Variants in HARBI1 observed in about 807,000 individuals in gnomAD.
The protein encoded by HARBI1 is putative nuclease HARBI1.
HARBI1 carries 15 observed loss-of-function variants against 25.3 expected under a neutral mutation model. The ratio of observed to expected loss-of-function variants is 0.59; its 90% CI spans 0.40 to 0.91. HARBI1 has a LOEUF of 0.91. Ranked by LOEUF, HARBI1 falls within the 40% of genes least tolerant of loss-of-function variation. The pLI is 0.00. For missense variants in HARBI1, 396 were observed against 445.8 expected (o/e 0.89, Z 1.01); for synonymous variants, 168 against 160.5 (o/e 1.05, Z -0.35).
chr11:46,613,175 T>C (rs966407648), intron 2 of HARBI1, among the ~76,000 whole-genome samples: 1 of 151,842 alleles, frequency 6.6e-6, no homozygotes, highest in African/African-American at 2.4e-5. Flanking sequence ...AGAAGGGGTT[T>C]GACCATGTCG....
At position 46,611,946 on chromosome 11, in the gene HARBI1, A is replaced by T. The variant is rs188324987; in HGVS notation, c.670+3622T>A. ...GTAGCAAGAAGGTGGTGCACTAAAA[A>T]TAGTACGGAGAAGCAACAATCAAGA... On this transcript the variant is annotated intron_variant, in intron 2 of 2. Transcript: ENST00000326737. Among the ~76,000 whole-genome samples, 232 of 152,346 alleles carry T rather than the reference A, an allele frequency of 1.5e-3. 1 individual carries two copies. Among genetic ancestry groups the T allele is most frequent in the Admixed American group, 4.4e-3 (68 of 15,286 alleles).
chr11:46,617,642 T>G (rs2135448083), upstream of HARBI1: 1 of 340,842 alleles, frequency 2.9e-6, no homozygotes, highest in South Asian at 1.6e-4. Flanking sequence ...AGTGACCGCT[T>G]AACCAGTGAG....
chr11:46,617,583 C>T, upstream of HARBI1: 1 of 183,472 alleles, frequency 5.5e-6, no homozygotes, highest in Non-Finnish European at 1.0e-5. Context: ...AAAACAAACA[C>T]TAACGATGGC....
chr11:46,614,639 C>A (rs557175411), intron 2 of HARBI1, among the ~76,000 whole-genome samples: 164 of 152,172 alleles, frequency 1.1e-3, no homozygotes, highest in African/African-American at 3.6e-3. Context: ...CAGGGTCTTG[C>A]TATCTTGCTC....
intron 2 of HARBI1, 168 bp from the exon 3 acceptor site, chr11:46,604,077 C>T: frequency 2.0e-6 from 2 of 985,318 alleles, no homozygotes; most frequent in Non-Finnish European, 2.4e-6. Flanking sequence ...AGAAATCATG[C>T]CAATGCCAGG....
chr11:46,616,534 T>C (rs2045488889), intron 1 of HARBI1, 153 bp from the exon 2 acceptor site: 2 of 1,174,918 alleles, frequency 1.7e-6, no homozygotes, highest in East Asian at 9.4e-5. Context: ...AACTCATGGC[T>C]GCACGACAGG....
intron 2 of HARBI1, among the ~76,000 whole-genome samples, chr11:46,609,850 ATTTTTTT>A (rs750558478): frequency 6.4e-5 from 8 of 124,938 alleles, no homozygotes; most frequent in Non-Finnish European, 9.9e-5. Context: ...AAATAAAAGA[ATTTTTTT>A]TTTTTTTTTT....
At chr11:46,616,831 C>CAAAAAAAAAAAAAAAAAAAAAAAAAAAAA (rs749013239) in intron 1 of HARBI1, 2 of 415,676 alleles carry the variant, frequency 4.8e-6, no homozygotes, top group African/African-American at 8.9e-5. Flanking sequence ...AAAGAAGGGG[C>CAAAAAAAAAAAAAAAAAAAAAAAAAAAAA]AAAAAAAAAA....
intron 2 of HARBI1, among the ~76,000 whole-genome samples, chr11:46,611,043 T>C (rs1439276019): frequency 6.8e-6 from 1 of 146,696 alleles, no homozygotes; most frequent in East Asian, 2.0e-4. Context: ...AGTCTTGCTC[T>C]GTCTCCCAGG....
In HARBI1 at chr11:46,615,581, A is replaced by G. The variant is rs2045351608; in HGVS notation, c.657T>C (p.Asp219=). Reference sequence around the variant, plus strand: ...TTGCAAACTTACCCAGAAGCCAGCTATCTTTGTGCATACCCGCTTCAAACT... The same window carrying G: ...TTGCAAACTTACCCAGAAGCCAGCTGTCTTTGTGCATACCCGCTTCAAACT... ...SSQFEAGMHK[D]SWLLGDSSFF... is the part of the protein sequence containing the mutation. Residue 219 remains aspartate (D), a synonymous_variant, in exon 2 of 3, where the codon GAT becomes GAC. Coordinates refer to ENST00000326737, the MANE Select transcript of HARBI1 (RefSeq NM_173811.4). The G allele has an allele frequency of 6.2e-7, 1 of 1,612,470 alleles. No homozygotes were observed. The highest frequency in any genetic ancestry group is 1.1e-5 in the South Asian group (1 of 91,004).
At chr11:46,613,479 C>CTTTTTT (rs541300001) in intron 2 of HARBI1, among the ~76,000 whole-genome samples, 5 of 115,184 alleles carry the variant, frequency 4.3e-5, no homozygotes, top group South Asian at 2.7e-4. Context: ...AGTATGTTGG[C>CTTTTTT]TTTTTTTTTT....
chr11:46,608,329 T>A (rs955600521), intron 2 of HARBI1, among the ~76,000 whole-genome samples: 7 of 151,356 alleles, frequency 4.6e-5, no homozygotes, highest in African/African-American at 1.5e-4. Context: ...ACAACAAAAA[T>A]ACAATTAGCC....
Position 46,615,598 on chromosome 11 carries a change from C to T in HARBI1, c.640G>A (p.Ala214Thr). 1.9e-6 allele frequency: 3 copies of T among 1,614,180 alleles called. No individual in the cohort carries two copies. Among genetic ancestry groups the T allele is most frequent in the South Asian group, 1.1e-5 (1 of 91,080 alleles). Residue 214 changes from alanine (A) to threonine (T), a missense_variant, in exon 2 of 3, where the codon GCG becomes ACG. By Grantham distance (58) the Ala-to-Thr change is moderately conservative. Transcript: ENST00000326737. ...AGCCAGCTATCTTTGTGCATACCCG[C>T]TTCAAACTGACTACTGAGGGAAGAC... ...QQSSLSSQFE[A>T]GMHKDSWLLG...
Position 46,611,713 on chromosome 11 carries a change from A to C in HARBI1, c.670+3855T>G, listed in dbSNP as rs79902295. 4.4e-4 allele frequency among the ~76,000 whole-genome samples: 66 copies of C among 151,274 alleles called. 1 individual carries two copies. In the East Asian group the frequency reaches 0.013, roughly 29 times the overall value. On this transcript the variant is annotated intron_variant, in intron 2 of 2. Transcript: ENST00000326737. ...GTGACAGAGTGAGACCCCGTGACAAAAAAAAAAAAAAGGTGGGGGGAACCA... is the reference window on the plus strand; with the variant it reads ...GTGACAGAGTGAGACCCCGTGACAACAAAAAAAAAAAGGTGGGGGGAACCA...
chr11:46,612,406 C>A (rs1293822772), intron 2 of HARBI1, among the ~76,000 whole-genome samples: 1 of 151,126 alleles, frequency 6.6e-6, no homozygotes, highest in Non-Finnish European at 1.5e-5. Context: ...AAAAAAAAAA[C>A]AAACCCAAAA....
chr11:46,608,927 CTT>C (rs764380300), intron 2 of HARBI1, among the ~76,000 whole-genome samples: 11 of 133,838 alleles, frequency 8.2e-5, no homozygotes, highest in Admixed American at 1.5e-4. Flanking sequence ...TTTTTTTTTT[CTT>C]TTTTTTTTTT....
At chr11:46,608,123 GC>G (rs1274078004) in intron 2 of HARBI1, among the ~76,000 whole-genome samples, 1 of 151,976 alleles carries the variant, frequency 6.6e-6, no homozygotes, top group Non-Finnish European at 1.5e-5. Flanking sequence ...ACGTGGTGAA[GC>G]CCCGTCTCTA....
At chr11:46,616,736 T>A in intron 1 of HARBI1, 1 of 983,284 alleles carries the variant, frequency 1.0e-6, no homozygotes, top group Non-Finnish European at 1.2e-6. Flanking sequence ...TAAGAATTGG[T>A]CACGGGTTTC....
chr11:46,616,815 A>C, intron 1 of HARBI1: 1 of 976,510 alleles, frequency 1.0e-6, no homozygotes, highest in Non-Finnish European at 1.2e-6. Flanking sequence ...AACCAGTCTA[A>C]CAAGAAAAGA....
Sources: gnomAD v4.1 joint callset for allele counts (sites outside exome capture counted in the v4.1 genomes callset) on GRCh38, gnomAD v4.1.1 for gene constraint, MANE v1.5 for transcripts, NCBI Gene and HGNC (gene_info 2026-07-23, HGNC 2026-07-21) for gene names.